The following MAFK variants were observed in gnomAD, a reference collection of about 807,000 sequenced individuals.
MAFK encodes the protein transcription factor MafK.
A neutral mutation model predicts 9.2 loss-of-function variants in MAFK; 1 was observed. The observed-to-expected ratio is 0.11, with a 90% confidence interval of 0.04 to 0.52. MAFK has a LOEUF of 0.52. Ranked by LOEUF, MAFK falls within the 20% of genes least tolerant of loss-of-function variation. MAFK has a pLI of 0.94. For missense variants in MAFK, 207 were observed against 236.0 expected (o/e 0.88, Z 0.81); for synonymous variants, 110 against 107.4 (o/e 1.02, Z -0.15).
In MAFK at chr7:1,530,824, C is replaced by T. The variant is rs1783884752; in HGVS notation, c.-119C>T. ...GCGGCGGCGGCCGAGGGGAGCGCGA[C>T]AGTGAGCGCCGGCGCGAGGACAGCG... On this transcript the variant is annotated 5_prime_UTR_variant, in exon 1 of 3. The change creates a premature stop within an existing upstream ORF in the 5' untranslated region. Transcript: ENST00000343242. 6.8e-6 allele frequency: 1 copy of T among 147,566 alleles called. No individual in the cohort carries two copies. The highest frequency in any genetic ancestry group is 1.5e-5 in the Non-Finnish European group (1 of 66,002). 9.1% of individuals were successfully genotyped at this position (147,566 alleles called of 1,614,324 possible). A position where few individuals can be genotyped will look rare whatever the true frequency, so the allele number is the denominator to read the frequency against.
At position 1,540,467 on chromosome 7, in the gene MAFK, C is replaced by G; in HGVS notation, c.*92C>G. On this transcript the variant is annotated 3_prime_UTR_variant, in exon 3 of 3. Coordinates refer to ENST00000343242, the MANE Select transcript of MAFK (RefSeq NM_002360.4). ...TACCTGTCACTGGGATGCAGACTCT[C>G]GACATCCGAGTCCAAGCGCAGGCCC... 8.0e-7 allele frequency: 1 copy of G among 1,255,484 alleles called. No homozygotes were observed. The highest frequency in any genetic ancestry group is 1.1e-6 in the Non-Finnish European group (1 of 927,508). 77.8% of individuals were successfully genotyped at this position (1,255,484 alleles called of 1,614,324 possible). A position where few individuals can be genotyped will look rare whatever the true frequency, so the allele number is the denominator to read the frequency against.
At position 1,534,295 on chromosome 7, in the gene MAFK, G is replaced by C. The variant is rs527916961; in HGVS notation, c.-45+3397G>C. 2.2e-6 allele frequency: 1 copy of C among 455,754 alleles called. No individual in the cohort carries two copies. The allele number at this position is 455,754 out of a possible 1,614,324, so 28.2% of individuals were successfully genotyped here. On this transcript the variant is annotated intron_variant, in intron 1 of 2. Coordinates refer to ENST00000343242, the MANE Select transcript of MAFK (RefSeq NM_002360.4). The surrounding 1 kb of genome is among the most constrained non-coding windows in gnomAD (Gnocchi z 4.3). Reference sequence around the variant, plus strand: ...GGGACCAGCTGGGCTGCAATTAGTCGGTTGACACCTGTTTGACAGGCACCC... The same window carrying C: ...GGGACCAGCTGGGCTGCAATTAGTCCGTTGACACCTGTTTGACAGGCACCC...
At position 1,540,190 on chromosome 7, in the gene MAFK, G is replaced by A. The variant is rs1292062796; in HGVS notation, c.286G>A (p.Glu96Lys). 6.3e-7 allele frequency: 1 copy of A among 1,584,888 alleles called. No individual in the cohort carries two copies. Among genetic ancestry groups the A allele is most frequent in the Non-Finnish European group, 8.6e-7 (1 of 1,166,382 alleles). Reference sequence around the variant, plus strand: ...GCAGGAGGTGGAGAAGCTGGCGCGTGAGAACAGCAGCATGCGGCTGGAGCT... The same window carrying A: ...GCAGGAGGTGGAGAAGCTGGCGCGTAAGAACAGCAGCATGCGGCTGGAGCT... ...LQQEVEKLAR[E>K]NSSMRLELDA... The change falls in exon 3 of 3, where the codon GAG (glutamate) becomes AAG (lysine). Residue 96 changes from glutamate to lysine, a missense_variant. By Grantham distance (56) the Glu-to-Lys change is moderately conservative. Coordinates refer to ENST00000343242, the MANE Select transcript of MAFK (RefSeq NM_002360.4).
Position 1,540,581 on chromosome 7 carries a change from C to CCG in MAFK, c.*206_*207insCG. 2 of 571,016 alleles carry CCG rather than the reference C, an allele frequency of 3.5e-6. No homozygotes were observed. Among genetic ancestry groups the CCG allele is most frequent in the Admixed American group, 3.5e-5 (1 of 28,310 alleles). 35.4% of individuals were successfully genotyped at this position (571,016 alleles called of 1,614,324 possible). On this transcript the variant is annotated 3_prime_UTR_variant, in exon 3 of 3. Coordinates refer to ENST00000343242, the MANE Select transcript of MAFK (RefSeq NM_002360.4). ...GGGCCCAGAGCTGCACGCCGGTCCA[C>CCG]AGACACACTCACGCCCGCCACCTGC...
chr7:1,532,305 G>T lies in MAFK; in HGVS notation c.-45+1407G>T, dbSNP rs185828986. On this transcript the variant is annotated intron_variant, in intron 1 of 2. Coordinates refer to ENST00000343242, the MANE Select transcript of MAFK (RefSeq NM_002360.4). This position sits in a 1 kb window ranked among gnomAD's most constrained non-coding sequence, Gnocchi z 4.5. ...GGCGGGGTCTGGAGAACATAGGTGG[G>T]CTGTGCAGGTGTCTGGGACACACCT... Among the ~76,000 whole-genome samples the T allele has an allele frequency of 1.4e-3, 218 of 152,312 alleles. No homozygotes were observed. The highest frequency in any genetic ancestry group is 2.5e-3 in the Non-Finnish European group (169 of 68,040).
At position 1,541,732 on chromosome 7, in the gene MAFK, A is replaced by G. The variant is rs989530270; in HGVS notation, c.*1357A>G. ...GGAGCCTTTGCCTGCTCCTCCTTCC[A>G]AGAGCACTGAGGCACCAGTGGGCTT... On this transcript the variant is annotated 3_prime_UTR_variant, in exon 3 of 3. Transcript: ENST00000343242. 1 of 152,092 alleles carries G rather than the reference A, an allele frequency of 6.6e-6. No homozygotes were observed. The highest frequency in any genetic ancestry group is 1.5e-5 in the Non-Finnish European group (1 of 68,024). 9.4% of individuals were successfully genotyped at this position (152,092 alleles called of 1,614,324 possible).
rs746205352 is a variant in MAFK at position 1,532,596 on chromosome 7, G to T, written c.-45+1698G>T. On this transcript the variant is annotated intron_variant, in intron 1 of 2. Transcript: ENST00000343242. The surrounding 1 kb of genome is among the most constrained non-coding windows in gnomAD (Gnocchi z 4.5). ...GTAAACCCGGGAGCCAGCGTTTACC[G>T]AGGGTCAGGGTTGTCGGGGCGCCAG... 2.0e-5 allele frequency among the ~76,000 whole-genome samples: 3 copies of T among 152,212 alleles called. No individual in the cohort carries two copies. Among genetic ancestry groups the T allele is most frequent in the African/African-American group, 7.2e-5 (3 of 41,464 alleles).
At position 1,532,369 on chromosome 7, in the gene MAFK, T is replaced by A. The variant is rs903142076; in HGVS notation, c.-45+1471T>A. Reference sequence around the variant, plus strand: ...GCGTCCAGTGCCATTTATGAGAACATCTCCCTTTCTTAGGTAACCCAGTAG... The same window carrying A: ...GCGTCCAGTGCCATTTATGAGAACAACTCCCTTTCTTAGGTAACCCAGTAG... On this transcript the variant is annotated intron_variant, in intron 1 of 2. Transcript: ENST00000343242. The surrounding 1 kb of genome is among the most constrained non-coding windows in gnomAD (Gnocchi z 4.5). Among the ~76,000 whole-genome samples, 1 of 152,206 alleles carries A rather than the reference T, an allele frequency of 6.6e-6. No individual in the cohort carries two copies. Among genetic ancestry groups the A allele is most frequent in the African/African-American group, 2.4e-5 (1 of 41,444 alleles).
At chr7:1,537,648 G>T (rs1784063863) in intron 1 of MAFK, 11 of 985,582 alleles carry the variant, frequency 1.1e-5, no homozygotes, top group Non-Finnish European at 1.3e-5. Context: ...AGATCAGCTG[G>T]CCTTGGCAGG....
chr7:1,537,173 C>T (rs1024261499), intron 1 of MAFK, among the ~76,000 whole-genome samples: 1 of 152,172 alleles, frequency 6.6e-6, no homozygotes, highest in South Asian at 2.1e-4. Flanking sequence ...TGAACTCTGC[C>T]CCTGGCATCT....
chr7:1,537,810 G>A (rs1394256614), intron 1 of MAFK: 6 of 558,500 alleles, frequency 1.1e-5, no homozygotes, highest in Non-Finnish European at 1.4e-5. Flanking sequence ...GGCCCAGGGT[G>A]TGGGGAGGGT....
At chr7:1,537,451 T>C (rs1343523535) in intron 1 of MAFK, 1 of 985,402 alleles carries the variant, frequency 1.0e-6, no homozygotes, top group East Asian at 1.1e-4. Flanking sequence ...CCCTCTGACA[T>C]GGAAAAGTTT....
rs575424827 is a variant in MAFK at position 1,532,959 on chromosome 7, C to T, written c.-45+2061C>T. Among the ~76,000 whole-genome samples, 51 of 152,296 alleles carry T rather than the reference C, an allele frequency of 3.3e-4. No individual in the cohort carries two copies. Among genetic ancestry groups the T allele is most frequent in the African/African-American group, 1.2e-3 (49 of 41,548 alleles). ...CCGTCCCCACCCTCCCTGCTCTCCG[C>T]GAATGGAAGATGCCTTTCCCCGCTA... On this transcript the variant is annotated intron_variant, in intron 1 of 2. Transcript: ENST00000343242. This position sits in a 1 kb window ranked among gnomAD's most constrained non-coding sequence, Gnocchi z 4.5.
In MAFK at chr7:1,530,878, G is replaced by T. The variant is rs1370708913; in HGVS notation, c.-65G>T. 2.1e-5 allele frequency: 3 copies of T among 145,238 alleles called. No individual in the cohort carries two copies. Among genetic ancestry groups the T allele is most frequent in the African/African-American group, 7.4e-5 (3 of 40,360 alleles). 9.0% of individuals were successfully genotyped at this position (145,238 alleles called of 1,614,324 possible). A position where few individuals can be genotyped will look rare whatever the true frequency, so the allele number is the denominator to read the frequency against. On this transcript the variant is annotated 5_prime_UTR_variant, in exon 1 of 3. Transcript: ENST00000343242. ...GCCCGCGAGGAGCCGCCGCGCGCCCGCGCCCTCCGCGCGACGCCAGGTGAG... is the reference window on the plus strand; with the variant it reads ...GCCCGCGAGGAGCCGCCGCGCGCCCTCGCCCTCCGCGCGACGCCAGGTGAG...
Position 1,540,249 on chromosome 7 carries a change from G to C in MAFK, c.345G>C (p.Gln115His). The C allele has an allele frequency of 6.2e-7, 1 of 1,609,136 alleles. No homozygotes were observed. The highest frequency in any genetic ancestry group is 8.5e-7 in the Non-Finnish European group (1 of 1,178,524). The change falls in exon 3 of 3, where the codon CAG (glutamine) becomes CAC (histidine). Residue 115 changes from glutamine to histidine, a missense_variant. By Grantham distance (24) the Gln-to-His change is conservative. Transcript: ENST00000343242. Reference protein sequence around the residue: ...DALRSKYEALQTFARTVARGP... With the variant: ...DALRSKYEALHTFARTVARGP... Reference sequence around the variant, plus strand: ...TGCGCTCCAAGTACGAGGCGCTGCAGACCTTCGCGCGCACCGTGGCCCGGG... The same window carrying C: ...TGCGCTCCAAGTACGAGGCGCTGCACACCTTCGCGCGCACCGTGGCCCGGG...
At chr7:1,536,370 G>C (rs1328741919) in intron 1 of MAFK, among the ~76,000 whole-genome samples, 1 of 152,224 alleles carries the variant, frequency 6.6e-6, no homozygotes, top group Admixed American at 6.5e-5. Flanking sequence ...GGCTGCTGGA[G>C]GGGAGCTTGG....
Position 1,541,277 on chromosome 7 carries a change from G to A in MAFK, c.*902G>A, listed in dbSNP as rs1429134738. 2 of 152,832 alleles carry A rather than the reference G, an allele frequency of 1.3e-5. No homozygotes were observed. Among genetic ancestry groups the A allele is most frequent in the African/African-American group, 2.4e-5 (1 of 41,442 alleles). The allele number at this position is 152,832 out of a possible 1,614,324, so 9.5% of individuals were successfully genotyped here. A position where few individuals can be genotyped will look rare whatever the true frequency, so the allele number is the denominator to read the frequency against. On this transcript the variant is annotated 3_prime_UTR_variant, in exon 3 of 3. Transcript: ENST00000343242. ...CAGGAGCGCCCCATCATTTGACGGTGAGCAGGACTCAGGCTGTGTGTCCTG... is the reference window on the plus strand; with the variant it reads ...CAGGAGCGCCCCATCATTTGACGGTAAGCAGGACTCAGGCTGTGTGTCCTG...
rs1293580355 is a variant in MAFK, at chr7:1,534,385, TG to T, written c.-45+3491del. Reference sequence around the variant, plus strand: ...GGCCCAGTGTGGAGGGCACCCGGCTTGGGGTCTCTGGCAGAAAGGCTCCTGG... The same window carrying T: ...GGCCCAGTGTGGAGGGCACCCGGCTTGGGTCTCTGGCAGAAAGGCTCCTGG... On this transcript the variant is annotated intron_variant, in intron 1 of 2. Transcript: ENST00000343242. The surrounding 1 kb of genome is among the most constrained non-coding windows in gnomAD (Gnocchi z 4.3). 4.5e-6 allele frequency: 2 copies of T among 442,650 alleles called. No homozygotes were observed. The highest frequency in any genetic ancestry group is 2.4e-5 in the Admixed American group (1 of 42,272). The allele number at this position is 442,650 out of a possible 1,614,324, so 27.4% of individuals were successfully genotyped here.
Position 1,541,729 on chromosome 7 carries a change from T to C in MAFK, c.*1354T>C, listed in dbSNP as rs957827752. ...CCCGGAGCCTTTGCCTGCTCCTCCTTCCAAGAGCACTGAGGCACCAGTGGG... is the reference window on the plus strand; with the variant it reads ...CCCGGAGCCTTTGCCTGCTCCTCCTCCCAAGAGCACTGAGGCACCAGTGGG... On this transcript the variant is annotated 3_prime_UTR_variant, in exon 3 of 3. Transcript: ENST00000343242. The C allele has an allele frequency of 1.3e-5, 2 of 152,186 alleles. No homozygotes were observed. The highest frequency in any genetic ancestry group is 2.1e-4 in the South Asian group (1 of 4,834). 9.4% of individuals were successfully genotyped at this position (152,186 alleles called of 1,614,324 possible). A position where few individuals can be genotyped will look rare whatever the true frequency, so the allele number is the denominator to read the frequency against.
Sources: allele counts gnomAD v4.1 joint callset (sites outside exome capture counted in the v4.1 genomes callset), GRCh38; gene constraint gnomAD v4.1.1; non-coding constraint Gnocchi (gnomAD v3.1); transcripts MANE v1.5; gene names NCBI Gene and HGNC (gene_info 2026-07-23, HGNC 2026-07-21).